CCDC88C: variants seen among roughly 807,000 people sequenced by gnomAD.
CCDC88C encodes protein Daple.
In CCDC88C, 131 loss-of-function variants were observed where a neutral mutation model predicts 198.8. That is an observed-to-expected ratio of 0.66 (90% CI 0.57 to 0.76). The LOEUF is 0.76. Among genes scored for constraint, CCDC88C ranks in the 30% least tolerant of loss-of-function variants. The pLI is 0.00. For missense variants in CCDC88C, 2,553 were observed against 2,631.6 expected (o/e 0.97, Z 0.65); for synonymous variants, 1,166 against 1,114.7 (o/e 1.05, Z -0.92).
chr14:91,313,574 T>C lies in CCDC88C; in HGVS notation c.2242A>G (p.Lys748Glu). Reference sequence around the variant, plus strand: ...CGCTCTGACTTCTTGCCCAGCGCCTTGAGCAGATCCACGTTCTTCCTCAGC... The same window carrying C: ...CGCTCTGACTTCTTGCCCAGCGCCTCGAGCAGATCCACGTTCTTCCTCAGC... The part of the protein sequence containing the change: ...EELRKNVDLL[K>E]ALGKKSERLE... The change falls in exon 15 of 30, where the codon AAG becomes GAG. Residue 748 changes from lysine to glutamate, a missense_variant. By Grantham distance (56) the Lys-to-Glu change is moderately conservative (BLOSUM62 1). Around this residue, in one of 2 missense-constraint regions of CCDC88C, gnomAD observed 1,260 missense variants for 1,412.0 expected, o/e 0.89. Transcript: ENST00000389857. This position sits in a 1 kb window ranked among gnomAD's most constrained non-coding sequence, Gnocchi z 5.2. The C allele has an allele frequency of 1.2e-6, 2 of 1,612,020 alleles. No individual in the cohort carries two copies. The highest frequency in any genetic ancestry group is 1.1e-5 in the South Asian group (1 of 91,092).
In CCDC88C at chr14:91,352,772, C is replaced by T. The variant is rs1216477723; in HGVS notation, c.340+6870G>A. ...TGAAGCCTGAGTGGCCGACCCTCAG[C>T]CTCCACACCACACGGTGAGCAGGCA... On this transcript the variant is annotated intron_variant, in intron 4 of 29. Transcript: ENST00000389857. The surrounding 1 kb of genome is among the most constrained non-coding windows in gnomAD (Gnocchi z 4.2). Among the ~76,000 whole-genome samples the T allele has an allele frequency of 6.6e-6, 1 of 152,140 alleles. No individual in the cohort carries two copies. Among genetic ancestry groups the T allele is most frequent in the African/African-American group, 2.4e-5 (1 of 41,448 alleles).
In CCDC88C at chr14:91,291,082, T is replaced by C; in HGVS notation, c.4115A>G (p.Asp1372Gly). ...ATGTCTTCGTAAGGCATTTAATTTG[T>C]CTCTGTGAATATAGGAGAAAGAAAA... ...QYHEEQKQYI[D>G]KLNALRRHKE... The change falls in exon 24 of 30, where the codon GAC (aspartate) becomes GGC (glycine). Residue 1372 changes from aspartate to glycine, a missense_variant and splice_region_variant. Physicochemically the swap from Asp to Gly is moderately conservative, Grantham distance 94. Coordinates refer to ENST00000389857, the MANE Select transcript of CCDC88C (RefSeq NM_001080414.4). 2.0e-6 allele frequency: 3 copies of C among 1,524,988 alleles called. No homozygotes were observed. The highest frequency in any genetic ancestry group is 2.7e-6 in the Non-Finnish European group (3 of 1,112,202). The allele number at this position is 1,524,988 out of a possible 1,614,324, so 94.5% of individuals were successfully genotyped here. A position where few individuals can be genotyped will look rare whatever the true frequency, so the allele number is the denominator to read the frequency against.
Position 91,323,095 on chromosome 14 carries a change from G to A in CCDC88C, c.1342+1684C>T, listed in dbSNP as rs564535263. Among the ~76,000 whole-genome samples the A allele has an allele frequency of 1.4e-4, 22 of 151,958 alleles. No homozygotes were observed. The East Asian group carries it at 3.5e-3, about 24-fold the overall frequency. ...TAATTTTTGTACTTTTAGTAGAGGCGGGGTTTCTCCATGTTGGCCAGGCTG... is the reference window on the plus strand; with the variant it reads ...TAATTTTTGTACTTTTAGTAGAGGCAGGGTTTCTCCATGTTGGCCAGGCTG... On this transcript the variant is annotated intron_variant, in intron 12 of 29. Coordinates refer to ENST00000389857, the MANE Select transcript of CCDC88C (RefSeq NM_001080414.4).
chr14:91,349,408 A>G lies in CCDC88C; in HGVS notation c.341-5751T>C, dbSNP rs111980111. Reference sequence around the variant, plus strand: ...TGCGAAGGCCAAGAGGTAAGAGAGCACGCTGCTTGTCAAAGTATAAGTGCT... The same window carrying G: ...TGCGAAGGCCAAGAGGTAAGAGAGCGCGCTGCTTGTCAAAGTATAAGTGCT... On this transcript the variant is annotated intron_variant, in intron 4 of 29. Transcript: ENST00000389857. Among the ~76,000 whole-genome samples, 5 of 152,378 alleles carry G rather than the reference A, an allele frequency of 3.3e-5. 1 individual carries two copies. Among genetic ancestry groups the G allele is most frequent in the African/African-American group, 1.2e-4 (5 of 41,592 alleles).
chr14:91,378,145 C>A (rs1884566064), intron 3 of CCDC88C, among the ~76,000 whole-genome samples: 1 of 152,172 alleles, frequency 6.6e-6, no homozygotes, highest in African/African-American at 2.4e-5. Flanking sequence ...CCATCTATAA[C>A]AAGGCAATAA....
intron 12 of CCDC88C, 130 bp downstream of exon 12, chr14:91,324,649 T>C (rs2139828753): frequency 1.7e-6 from 2 of 1,181,708 alleles, no homozygotes; most frequent in Non-Finnish European, 2.4e-6. Context: ...CAAGTGGAGC[T>C]TGAAGGAAAT....
intron 4 of CCDC88C, among the ~76,000 whole-genome samples, chr14:91,347,775 G>A (rs1893611858): frequency 6.6e-6 from 1 of 152,202 alleles, no homozygotes; most frequent in Non-Finnish European, 1.5e-5. Flanking sequence ...AGTCAGTGTG[G>A]CGATTCCTCA....
chr14:91,339,812 G>A lies in CCDC88C; in HGVS notation c.624+72C>T, dbSNP rs980186300. 6.8e-7 allele frequency: 1 copy of A among 1,465,262 alleles called. No homozygotes were observed. The allele number at this position is 1,465,262 out of a possible 1,614,324, so 90.8% of individuals were successfully genotyped here. On this transcript the variant is annotated intron_variant, in intron 7 of 29. Transcript: ENST00000389857. The surrounding 1 kb of genome is among the most constrained non-coding windows in gnomAD (Gnocchi z 5.8). ...GCAGGACCGAGGCGTCTAGGCTGAA[G>A]ATGAAGGGAGAGGAGATGAAGGGGC...
chr14:91,295,482 C>T (rs759053985), intron 22 of CCDC88C, among the ~76,000 whole-genome samples: 2 of 152,214 alleles, frequency 1.3e-5, no homozygotes, highest in Non-Finnish European at 2.9e-5. Context: ...CAGCTTTGGC[C>T]CAACAGAAAG....
At position 91,273,221 on chromosome 14, in the gene CCDC88C, C is replaced by T. The variant is rs373062767; in HGVS notation, c.5491G>A (p.Ala1831Thr). The T allele has an allele frequency of 1.0e-4, 156 of 1,562,072 alleles. No homozygotes were observed. The highest frequency in any genetic ancestry group is 2.4e-4 in the African/African-American group (18 of 73,738). Residue 1831 changes from alanine (A) to threonine (T), a missense_variant, in exon 30 of 30, where the codon GCT becomes ACT. By Grantham distance (58) the Ala-to-Thr change is moderately conservative. Around this residue, in one of 2 missense-constraint regions of CCDC88C, gnomAD observed 1,293 missense variants for 1,219.6 expected, o/e 1.06. Coordinates refer to ENST00000389857, the MANE Select transcript of CCDC88C (RefSeq NM_001080414.4). This position sits in a 1 kb window ranked among gnomAD's most constrained non-coding sequence, Gnocchi z 5.6. The stretch of plus-strand genomic sequence containing the variant: ...TCTCTGCCCCCTAAGGCCTCAGGAG[C>T]CCCCAGCTTCTGAGGGGACTCCTGT... The part of the protein sequence containing the change: ...CKQESPQKLG[A>T]PEALGGRETG...
Position 91,299,916 on chromosome 14 carries a change from C to T in CCDC88C, c.3779+11G>A. On this transcript the variant is annotated intron_variant, in intron 21 of 29. Coordinates refer to ENST00000389857, the MANE Select transcript of CCDC88C (RefSeq NM_001080414.4). ...GTGCTGCTATGTGCAGGGCCGGGCG[C>T]CGGCGCTCACCTGTCCAGCTCGCCC... The T allele has an allele frequency of 6.3e-7, 1 of 1,576,866 alleles. No homozygotes were observed.
intron 3 of CCDC88C, among the ~76,000 whole-genome samples, chr14:91,376,777 C>A (rs920441629): frequency 2.0e-5 from 3 of 152,228 alleles, no homozygotes; most frequent in Non-Finnish European, 4.4e-5. Flanking sequence ...CAGCCCCCAG[C>A]TGGCTGCCCA....
At chr14:91,292,653 G>A (rs886194692) in intron 23 of CCDC88C, among the ~76,000 whole-genome samples, 1 of 152,022 alleles carries the variant, frequency 6.6e-6, no homozygotes, top group South Asian at 2.1e-4. Context: ...CCACAAGCAC[G>A]TCCCTTCTTG....
In CCDC88C at chr14:91,371,655, C is replaced by G. The variant is rs1469858329; in HGVS notation, c.271-11944G>C. On this transcript the variant is annotated intron_variant, in intron 3 of 29. Transcript: ENST00000389857. This position sits in a 1 kb window ranked among gnomAD's most constrained non-coding sequence, Gnocchi z 4.2. ...CCTATCTGTCCTGGGCACACCCTCC[C>G]TAGCTCAGCAGAAGCAAGGCCTTCC... Among the ~76,000 whole-genome samples, 1 of 152,172 alleles carries G rather than the reference C, an allele frequency of 6.6e-6. No homozygotes were observed. The highest frequency in any genetic ancestry group is 1.5e-5 in the Non-Finnish European group (1 of 68,026).
intron 3 of CCDC88C, among the ~76,000 whole-genome samples, chr14:91,392,908 G>T (rs1163318392): frequency 6.6e-6 from 1 of 152,170 alleles, no homozygotes; most frequent in Non-Finnish European, 1.5e-5. Flanking sequence ...CAGGGCCAGG[G>T]GTGTGATGAC....
intron 3 of CCDC88C, among the ~76,000 whole-genome samples, chr14:91,392,785 A>ACG (rs1885593634): frequency 6.8e-6 from 1 of 147,314 alleles, no homozygotes; most frequent in African/African-American, 2.7e-5. Context: ...CTCTCACTGC[A>ACG]CCCCTCACTC....
At chr14:91,365,519 G>A (rs767027907) in intron 3 of CCDC88C, among the ~76,000 whole-genome samples, 13 of 152,202 alleles carry the variant, frequency 8.5e-5, no homozygotes, top group Non-Finnish European at 1.6e-4. Flanking sequence ...GTCTCTATCT[G>A]GGACTTAGAA....
intron 6 of CCDC88C, among the ~76,000 whole-genome samples, chr14:91,341,839 GC>G (rs1893325338): frequency 1.3e-5 from 2 of 152,360 alleles, no homozygotes; most frequent in Admixed American, 1.3e-4. Context: ...GACGCTCAGT[GC>G]AGAGCCCTCC....
At chr14:91,348,444 C>A (rs1159260962) in intron 4 of CCDC88C, among the ~76,000 whole-genome samples, 1 of 151,810 alleles carries the variant, frequency 6.6e-6, no homozygotes, top group East Asian at 1.9e-4. Flanking sequence ...TGCCACTGCA[C>A]TGTAGCCTGG....
Sources: gnomAD v4.1 joint callset for allele counts (sites outside exome capture counted in the v4.1 genomes callset) on GRCh38, gnomAD v4.1.1 for gene constraint, gnomAD v4.1.1 regional missense constraint, Gnocchi (gnomAD v3.1) non-coding constraint, MANE v1.5 for transcripts, NCBI Gene and HGNC (gene_info 2026-07-23, HGNC 2026-07-21) for gene names.